Variants in PPARGC1A observed in about 807,000 individuals in gnomAD.
The protein encoded by PPARGC1A is peroxisome proliferator-activated receptor gamma coactivator 1-alpha.
PPARGC1A carries 25 observed loss-of-function variants against 88.7 expected under a neutral mutation model. The observed-to-expected ratio is 0.28, with a 90% CI of 0.21 to 0.39. The LOEUF (loss-of-function observed/expected upper bound fraction) is 0.39. Among genes scored for constraint, PPARGC1A ranks in the 10% least tolerant of loss-of-function variants. PPARGC1A has a pLI of 1.00. For synonymous variants in PPARGC1A, 363 were observed against 355.6 expected (o/e 1.02, Z -0.24); for missense variants, 880 against 968.7 (o/e 0.91, Z 1.22).
intron 7 of PPARGC1A, among the ~76,000 whole-genome samples, chr4:23,822,868 G>A (rs1577398724): frequency 6.6e-6 from 1 of 152,104 alleles, no homozygotes; most frequent in East Asian, 1.9e-4. Flanking sequence ...CTTTACTTCA[G>A]CTTCCCCAAT....
At chr4:23,816,883 G>C (rs984601912) in intron 7 of PPARGC1A, among the ~76,000 whole-genome samples, 6 of 152,134 alleles carry the variant, frequency 3.9e-5, no homozygotes, top group African/African-American at 1.4e-4. Context: ...GCAGGATGTT[G>C]CTTGGGCACA....
chr4:23,937,925 G>A, the PPARGC1A span, among the ~76,000 whole-genome samples: 1 of 152,164 alleles, frequency 6.6e-6, no homozygotes, highest in Non-Finnish European at 1.5e-5. Flanking sequence ...CCAAAGGAAA[G>A]TGCCTTGACA....
chr4:24,127,919 T>A, the PPARGC1A span, among the ~76,000 whole-genome samples: 4 of 152,150 alleles, frequency 2.6e-5, no homozygotes, highest in Admixed American at 2.0e-4. Context: ...TCCCAGAGAA[T>A]AGAATCAGAC....
chr4:24,416,282 G>T, the PPARGC1A span, among the ~76,000 whole-genome samples: 41 of 151,264 alleles, frequency 2.7e-4, no homozygotes, highest in African/African-American at 9.7e-4. Flanking sequence ...ACTCTTGAAG[G>T]CCAGGCTAAC....
intron 1 of PPARGC1A, among the ~76,000 whole-genome samples, chr4:23,885,178 A>T (rs1309540867): frequency 6.6e-6 from 1 of 152,190 alleles, no homozygotes; most frequent in Non-Finnish European, 1.5e-5. Context: ...ACCAAGCTCC[A>T]CGAAGCTTTC....
At chr4:24,441,088 T>A in the PPARGC1A span, among the ~76,000 whole-genome samples, 1 of 152,182 alleles carries the variant, frequency 6.6e-6, no homozygotes, top group Non-Finnish European at 1.5e-5. Flanking sequence ...ATAAAAACTC[T>A]TGTTTCTTAA....
chr4:23,945,199 G>A, the PPARGC1A span, among the ~76,000 whole-genome samples: 2 of 151,812 alleles, frequency 1.3e-5, no homozygotes, highest in African/African-American at 2.4e-5. Flanking sequence ...CACCTAACAT[G>A]AACAATATTT....
chr4:23,829,219 G>A (rs1490548517), intron 4 of PPARGC1A, among the ~76,000 whole-genome samples: 1 of 152,154 alleles, frequency 6.6e-6, no homozygotes, highest in Admixed American at 6.5e-5. Flanking sequence ...ACAATAAAGT[G>A]GGCAAGAACT....
the PPARGC1A span, among the ~76,000 whole-genome samples, chr4:24,192,195 T>TC: frequency 0.014 from 2,159 of 152,308 alleles, 51 homozygotes; most frequent in African/African-American, 0.049. Flanking sequence ...AAAGAACTAT[T>TC]CCCCATCCCA....
the PPARGC1A span, among the ~76,000 whole-genome samples, chr4:24,419,403 C>T: frequency 6.9e-6 from 1 of 145,658 alleles, no homozygotes; most frequent in Non-Finnish European, 1.5e-5. Context: ...AACACAAACC[C>T]AGGAAACATC....
chr4:23,968,330 T>A, the PPARGC1A span, among the ~76,000 whole-genome samples: 1 of 152,200 alleles, frequency 6.6e-6, no homozygotes, highest in African/African-American at 2.4e-5. Flanking sequence ...GTCACTATCA[T>A]CATATTCTTC....
the PPARGC1A span, among the ~76,000 whole-genome samples, chr4:24,444,918 T>C: frequency 6.6e-6 from 1 of 152,086 alleles, no homozygotes; most frequent in South Asian, 2.1e-4. Flanking sequence ...CTGGACGTGG[T>C]GGCGCACACC....
chr4:24,266,702 G>A, the PPARGC1A span, among the ~76,000 whole-genome samples: 1 of 152,124 alleles, frequency 6.6e-6, no homozygotes, highest in African/African-American at 2.4e-5. Context: ...GCTGAGCCTT[G>A]AATAATGAGG....
At chr4:24,373,491 A>G in the PPARGC1A span, among the ~76,000 whole-genome samples, 2 of 152,244 alleles carry the variant, frequency 1.3e-5, no homozygotes, top group South Asian at 4.1e-4. Flanking sequence ...TTGTCTCTAA[A>G]TATTGAATTT....
At chr4:24,286,029 CCT>C in the PPARGC1A span, among the ~76,000 whole-genome samples, 52 of 152,100 alleles carry the variant, frequency 3.4e-4, no homozygotes, top group Non-Finnish European at 2.4e-4. Flanking sequence ...GCAGCAATCC[CCT>C]GAGGTTCAAC....
upstream of PPARGC1A, among the ~76,000 whole-genome samples, chr4:23,892,686 C>A (rs1718033646): frequency 6.6e-6 from 1 of 152,056 alleles, no homozygotes; most frequent in South Asian, 2.1e-4. Flanking sequence ...CCACAGCCCT[C>A]CTTTCACCCC....
chr4:23,839,623 A>G (rs1256466311), intron 2 of PPARGC1A, among the ~76,000 whole-genome samples: 2 of 152,118 alleles, frequency 1.3e-5, no homozygotes, highest in Admixed American at 1.3e-4. Context: ...TGAAAATCCC[A>G]TAGGTTTCTG....
At chr4:24,216,142 C>CTTT in the PPARGC1A span, among the ~76,000 whole-genome samples, 116 of 83,228 alleles carry the variant, frequency 1.4e-3, no homozygotes, top group Non-Finnish European at 2.0e-3. Context: ...GCAGCTAACT[C>CTTT]TTTTTTTTTT....
In PPARGC1A at chr4:23,844,732, TATGATATATCATAATATATG is replaced by T. The variant is rs1179710878; in HGVS notation, c.235-13001_235-12982del. On this transcript the variant is annotated intron_variant, in intron 2 of 12. Coordinates refer to ENST00000264867, the MANE Select transcript of PPARGC1A (RefSeq NM_013261.5). Reference sequence around the variant, plus strand: ...ATATATGATATATATTATTATAATATATGATATATCATAATATATGATATATATTATAATAATATATGATA... The same window carrying T: ...ATATATGATATATATTATTATAATATATATATATTATAATAATATATGATA... 3.1e-3 allele frequency among the ~76,000 whole-genome samples: 297 copies of T among 96,524 alleles called. 1 individual carries two copies. Among genetic ancestry groups the T allele is most frequent in the Non-Finnish European group, 3.7e-3 (198 of 53,780 alleles). 63.3% of individuals were successfully genotyped at this position (96,524 alleles called of 152,430 possible).
Sources: allele counts gnomAD v4.1 joint callset (sites outside exome capture counted in the v4.1 genomes callset), GRCh38; gene constraint gnomAD v4.1.1; transcripts MANE v1.5; gene names NCBI Gene and HGNC (gene_info 2026-07-23, HGNC 2026-07-21).